KIAA0586: variants seen among roughly 807,000 people sequenced by gnomAD.
KIAA0586 encodes KIAA0586.
In KIAA0586, 144 loss-of-function variants were observed where a neutral mutation model predicts 169.8. That is an observed-to-expected ratio of 0.85 (90% CI 0.74 to 0.97). KIAA0586 has a LOEUF of 0.97. KIAA0586 is among the 50% of genes least tolerant of loss of function. KIAA0586 has a pLI of 0.00. For synonymous variants in KIAA0586, 625 were observed against 612.4 expected (o/e 1.02, Z -0.30); for missense variants, 1,854 against 1,823.0 (o/e 1.02, Z -0.31).
At chr14:58,500,779 T>A (rs1013799746) in intron 27 of KIAA0586, among the ~76,000 whole-genome samples, 1 of 151,442 alleles carries the variant, frequency 6.6e-6, no homozygotes, top group African/African-American at 2.4e-5. Context: ...GGGGCCATTT[T>A]AAACAGTGAA....
chr14:58,431,486 C>T (rs1177026266), intron 3 of KIAA0586, among the ~76,000 whole-genome samples: 1 of 152,088 alleles, frequency 6.6e-6, no homozygotes, highest in Non-Finnish European at 1.5e-5. Flanking sequence ...AGACTGGTCT[C>T]AAACTCCTGA....
chr14:58,451,003 T>TC (rs1406150940), intron 8 of KIAA0586, among the ~76,000 whole-genome samples: 82 of 149,116 alleles, frequency 5.5e-4, no homozygotes, highest in Middle Eastern at 3.4e-3. Flanking sequence ...TTTTTTTTTT[T>TC]TCTGAGACGG....
At chr14:58,460,605 T>C (rs1025246270) in intron 13 of KIAA0586, among the ~76,000 whole-genome samples, 3 of 152,162 alleles carry the variant, frequency 2.0e-5, no homozygotes, top group African/African-American at 7.2e-5. Context: ...AATGCTCCCT[T>C]TCTGTGACAT....
At chr14:58,434,330 A>G (rs897647680) in intron 4 of KIAA0586, among the ~76,000 whole-genome samples, 34 of 152,242 alleles carry the variant, frequency 2.2e-4, no homozygotes, top group African/African-American at 8.2e-4. Flanking sequence ...AAATAACCAT[A>G]TAACTAAGAA....
At chr14:58,428,666 C>CTTTTTTTTTT (rs33975443) in intron 1 of KIAA0586, among the ~76,000 whole-genome samples, 1 of 74,140 alleles carries the variant, frequency 1.3e-5, no homozygotes, top group African/African-American at 4.8e-5. Flanking sequence ...CCCTGTTGTG[C>CTTTTTTTTTT]TTTTTTTTTT....
chr14:58,545,727 T>C (rs1243457084), intron 30 of KIAA0586, among the ~76,000 whole-genome samples: 1 of 152,178 alleles, frequency 6.6e-6, no homozygotes, highest in Non-Finnish European at 1.5e-5. Context: ...CCTATACACA[T>C]TTTTAAGGCC....
At chr14:58,483,209 C>T (rs943281251) in intron 21 of KIAA0586, among the ~76,000 whole-genome samples, 2 of 152,126 alleles carry the variant, frequency 1.3e-5, no homozygotes, top group Admixed American at 1.3e-4. Context: ...GTTCTTGATC[C>T]ACATTTGGTT....
intron 20 of KIAA0586, among the ~76,000 whole-genome samples, chr14:58,479,369 C>T (rs1224946585): frequency 6.6e-6 from 1 of 152,078 alleles, no homozygotes; most frequent in Non-Finnish European, 1.5e-5. Flanking sequence ...AAGTTCGAGT[C>T]GTGTCTTCAT....
Position 58,474,680 on chromosome 14 carries a change from C to A in KIAA0586, c.2708C>A (p.Ser903Tyr), listed in dbSNP as rs763871252. ...TTTAACAGAAGTGTTAAAGCTGATT[C>A]TACAAAATATAATGGTCCTCCATTT... ...LEFNRSVKADSTKYNGPPFPP... is the reference protein window; with the variant it reads ...LEFNRSVKADYTKYNGPPFPP... The change falls in exon 19 of 31, where the codon TCT becomes TAT. Residue 903 changes from serine to tyrosine, a missense_variant. Ser to Tyr is a moderately radical substitution (Grantham distance 144). Coordinates refer to ENST00000652326, the MANE Select transcript of KIAA0586 (RefSeq NM_001329943.3). 7 of 1,612,688 alleles carry A rather than the reference C, an allele frequency of 4.3e-6. No individual in the cohort carries two copies. In the Admixed American group the frequency reaches 6.7e-5, roughly 15 times the overall value.
At chr14:58,454,476 C>CA (rs1462794566) in intron 9 of KIAA0586, among the ~76,000 whole-genome samples, 6 of 152,258 alleles carry the variant, frequency 3.9e-5, no homozygotes, top group African/African-American at 1.2e-4. Flanking sequence ...CTTTTATATT[C>CA]AACTATATAG....
At chr14:58,520,804 G>A (rs1385140534) in intron 29 of KIAA0586, 2 of 157,708 alleles carry the variant, frequency 1.3e-5, no homozygotes, top group Non-Finnish European at 2.8e-5. Context: ...GGGATTACAA[G>A]TGTGAGCCAC....
At chr14:58,448,286 TCTAA>T in intron 6 of KIAA0586, 50 bp from the exon 7 acceptor site, 1 of 1,139,554 alleles carries the variant, frequency 8.8e-7, no homozygotes, top group Admixed American at 2.3e-5. Flanking sequence ...TATTTTATCA[TCTAA>T]CTCTTTCAAA....
At chr14:58,445,039 A>T (rs934887923) in intron 6 of KIAA0586, among the ~76,000 whole-genome samples, 3 of 151,656 alleles carry the variant, frequency 2.0e-5, no homozygotes, top group Non-Finnish European at 4.4e-5. Flanking sequence ...GTTACAGTGA[A>T]CTATGATAAT....
At chr14:58,530,226 T>C (rs2045871507) in intron 29 of KIAA0586, among the ~76,000 whole-genome samples, 1 of 152,230 alleles carries the variant, frequency 6.6e-6, no homozygotes, top group Non-Finnish European at 1.5e-5. Flanking sequence ...TCCATGCTTA[T>C]GGATAGGAAG....
intron 16 of KIAA0586, 89 bp from the exon 17 acceptor site, chr14:58,470,524 C>T (rs771225992): frequency 1.5e-6 from 1 of 679,258 alleles, no homozygotes; most frequent in Non-Finnish European, 2.5e-6. Flanking sequence ...TGTGTATACA[C>T]ACACACATAT....
chr14:58,538,432 AT>A (rs1265133099), intron 29 of KIAA0586, among the ~76,000 whole-genome samples: 3 of 151,846 alleles, frequency 2.0e-5, no homozygotes, highest in Admixed American at 6.6e-5. Flanking sequence ...TTTAGTATAA[AT>A]TTTTTTTAAT....
chr14:58,448,502 A>T lies in KIAA0586; in HGVS notation c.961+9A>T, dbSNP rs768972492. ...ATTTGCTTCCAAACAAGGTAAAAAT[A>T]TGTAGTTCTCTATGAATAAAAAATG... On this transcript the variant is annotated intron_variant, in intron 7 of 30. Coordinates refer to ENST00000652326, the MANE Select transcript of KIAA0586 (RefSeq NM_001329943.3). 7 of 1,580,464 alleles carry T rather than the reference A, an allele frequency of 4.4e-6. No individual in the cohort carries two copies. Among genetic ancestry groups the T allele is most frequent in the South Asian group, 1.1e-5 (1 of 87,186 alleles).
chr14:58,491,762 C>T (rs887058235), intron 25 of KIAA0586, among the ~76,000 whole-genome samples: 1 of 152,198 alleles, frequency 6.6e-6, no homozygotes, highest in African/African-American at 2.4e-5. Context: ...AGTGCTTTGC[C>T]CCCATTGCCA....
chr14:58,484,803 C>T (rs2042256809), intron 21 of KIAA0586, among the ~76,000 whole-genome samples: 1 of 140,474 alleles, frequency 7.1e-6, no homozygotes, highest in South Asian at 2.2e-4. Flanking sequence ...TAATTTGCAA[C>T]CCATAATACA....
Sources: gnomAD v4.1 joint callset for allele counts (sites outside exome capture counted in the v4.1 genomes callset) on GRCh38, gnomAD v4.1.1 for gene constraint, MANE v1.5 for transcripts, NCBI Gene and HGNC (gene_info 2026-07-23, HGNC 2026-07-21) for gene names.